AKAP19: variants seen among roughly 807,000 people sequenced by gnomAD.
AKAP19 encodes A-kinase anchoring protein 19, also known as small A-kinase anchoring protein.
chr2:190,198,645 A>G, the AKAP19 span, among the ~76,000 whole-genome samples: 1 of 151,716 alleles, frequency 6.6e-6, no homozygotes, highest in Admixed American at 6.6e-5. Context: ...AAAAAAAAAA[A>G]AAAAAAAAAA....
the AKAP19 span, chr2:190,060,280 T>G: frequency 1.6e-4 from 266 of 1,613,110 alleles, no homozygotes; most frequent in Non-Finnish European, 2.1e-4. Context: ...ATAGGTTTGA[T>G]GAGTCTCAGG....
At chr2:189,923,233 C>T in the AKAP19 span, 4 of 1,167,592 alleles carry the variant, frequency 3.4e-6, no homozygotes, top group East Asian at 7.2e-5. Flanking sequence ...CAGCAGCAGT[C>T]GGCTTCTCTA....
the AKAP19 span, among the ~76,000 whole-genome samples, chr2:189,955,457 G>A: frequency 6.6e-6 from 1 of 152,070 alleles, no homozygotes; most frequent in African/African-American, 2.4e-5. Flanking sequence ...ATACAATGAT[G>A]TCTTTTTCTT....
chr2:190,061,829 T>C, the AKAP19 span, among the ~76,000 whole-genome samples: 1 of 151,804 alleles, frequency 6.6e-6, no homozygotes, highest in Non-Finnish European at 1.5e-5. Context: ...TTTTTTTTTT[T>C]CTGTTATTAG....
chr2:190,132,905 AAAAT>A, the AKAP19 span, among the ~76,000 whole-genome samples: 1 of 152,286 alleles, frequency 6.6e-6, no homozygotes, highest in East Asian at 1.9e-4. Flanking sequence ...GTCAATATCT[AAAAT>A]ATATAAGCAA....
the AKAP19 span, among the ~76,000 whole-genome samples, chr2:190,018,486 G>GT: frequency 2.3e-4 from 34 of 150,856 alleles, no homozygotes; most frequent in East Asian, 7.9e-4. Context: ...ATTTCTATTT[G>GT]TTTTTTTTAA....
At chr2:190,051,655 A>G in the AKAP19 span, among the ~76,000 whole-genome samples, 2 of 152,088 alleles carry the variant, frequency 1.3e-5, no homozygotes, top group Non-Finnish European at 1.5e-5. Flanking sequence ...AGTCCTTTGC[A>G]ACTTTGGTGG....
At chr2:190,141,559 C>T in the AKAP19 span, among the ~76,000 whole-genome samples, 1,606 of 152,154 alleles carry the variant, frequency 0.011, 28 homozygotes, top group African/African-American at 0.037. Flanking sequence ...GGAAAAGCCC[C>T]GTGTAAAACC....
chr2:189,970,414 A>G, the AKAP19 span, among the ~76,000 whole-genome samples: 638 of 152,170 alleles, frequency 4.2e-3, 8 homozygotes, highest in African/African-American at 0.015. Context: ...GAATACTTTT[A>G]TTAGTTATTT....
At chr2:190,111,164 G>A in the AKAP19 span, among the ~76,000 whole-genome samples, 3 of 152,178 alleles carry the variant, frequency 2.0e-5, no homozygotes, top group Non-Finnish European at 4.4e-5. Context: ...GGGATTGCTA[G>A]CAGCAAGGAG....
At chr2:190,155,434 G>A in the AKAP19 span, among the ~76,000 whole-genome samples, 1 of 152,064 alleles carries the variant, frequency 6.6e-6, no homozygotes, top group African/African-American at 2.4e-5. Flanking sequence ...GGAAGCAGAG[G>A]TGGTAGGTGA....
At chr2:189,885,704 G>A in the AKAP19 span, among the ~76,000 whole-genome samples, 2 of 152,278 alleles carry the variant, frequency 1.3e-5, no homozygotes, top group East Asian at 3.9e-4. Context: ...ATAGGGATTG[G>A]AAATTCATCT....
At chr2:190,179,705 A>G in the AKAP19 span, among the ~76,000 whole-genome samples, 1 of 152,148 alleles carries the variant, frequency 6.6e-6, no homozygotes, top group South Asian at 2.1e-4. The surrounding 1 kb of genome is among the most constrained non-coding windows in gnomAD (Gnocchi z 6.0). Context: ...ACCTTCAAAG[A>G]GCTAAGTCTC....
the AKAP19 span, among the ~76,000 whole-genome samples, chr2:190,193,428 G>A: frequency 6.6e-6 from 1 of 152,084 alleles, no homozygotes; most frequent in Non-Finnish European, 1.5e-5. Flanking sequence ...AATAATTCGG[G>A]AAATCTTTCT....
chr2:189,972,238 A>C, the AKAP19 span, among the ~76,000 whole-genome samples: 2 of 152,212 alleles, frequency 1.3e-5, no homozygotes, highest in Admixed American at 1.3e-4. Flanking sequence ...TTAAATAGGG[A>C]ATCCTTTCCC....
At chr2:189,917,328 G>A in the AKAP19 span, 54 of 1,399,638 alleles carry the variant, frequency 3.9e-5, no homozygotes, top group Admixed American at 3.9e-4. Flanking sequence ...ACACTTGTCC[G>A]GTTGTTGAAT....
chr2:189,914,275 T>C, the AKAP19 span, among the ~76,000 whole-genome samples: 1 of 152,232 alleles, frequency 6.6e-6, no homozygotes, highest in Non-Finnish European at 1.5e-5. Flanking sequence ...TTTCATAATG[T>C]AGTTTATTTA....
chr2:190,039,030 CCTCT>C, the AKAP19 span, among the ~76,000 whole-genome samples: 5 of 101,792 alleles, frequency 4.9e-5, no homozygotes, highest in African/African-American at 7.0e-5. Context: ...TCCTCTTCTT[CCTCT>C]TCTTCCTCTT....
chr2:189,952,756 AT>A, the AKAP19 span, among the ~76,000 whole-genome samples: 1 of 152,190 alleles, frequency 6.6e-6, no homozygotes, highest in African/African-American at 2.4e-5. Context: ...ACTTCTACTT[AT>A]TTTTTGATCA....
Sources: allele counts gnomAD v4.1 joint callset (sites outside exome capture counted in the v4.1 genomes callset), GRCh38; gene constraint gnomAD v4.1.1; non-coding constraint Gnocchi (gnomAD v3.1); transcripts MANE v1.5; gene names NCBI Gene and HGNC (gene_info 2026-07-23, HGNC 2026-07-21).